The following HRH1 variants were observed in gnomAD, a reference collection of about 807,000 sequenced individuals.
HRH1 encodes the protein histamine receptor H1.
HRH1 carries 6 observed loss-of-function variants against 10.3 expected under a neutral mutation model. The observed-to-expected ratio is 0.58, with a 90% confidence interval of 0.32 to 1.15. HRH1 has a LOEUF of 1.15. Ranked by LOEUF, HRH1 falls within the 50% of genes most tolerant of loss-of-function variation. The pLI, the probability that HRH1 is intolerant of heterozygous loss-of-function variation, is 0.05. For missense variants in HRH1, 514 were observed against 615.3 expected, an observed-to-expected ratio of 0.84 and a Z score of 1.74; for synonymous variants, 242 against 236.7, an observed-to-expected ratio of 1.02 and a Z score of -0.21.
chr3:11,214,413 T>C lies in HRH1; in HGVS notation c.-35-44590T>C, dbSNP rs150807485. Among the ~76,000 whole-genome samples, 315 of 152,314 alleles carry C rather than the reference T, an allele frequency of 2.1e-3. 2 individuals carry two copies. The highest frequency in any genetic ancestry group is 7.1e-3 in the African/African-American group (295 of 41,570). On this transcript the variant is annotated intron_variant, in intron 1 of 1. Transcript: ENST00000431010. ...GGTATTGAGGTCACCTGCAAATAACTCTGAATGGGATATCACATCCAAAAG... is the reference window on the plus strand; with the variant it reads ...GGTATTGAGGTCACCTGCAAATAACCCTGAATGGGATATCACATCCAAAAG...
chr3:11,184,690 C>T (rs1574994967), intron 1 of HRH1, among the ~76,000 whole-genome samples: 1 of 151,922 alleles, frequency 6.6e-6, no homozygotes, highest in Admixed American at 6.6e-5. Context: ...CCGAGGCGGG[C>T]GGATCACCTG....
intron 1 of HRH1, among the ~76,000 whole-genome samples, chr3:11,176,278 AGT>A (rs1457342765): frequency 6.6e-6 from 1 of 152,184 alleles, no homozygotes; most frequent in East Asian, 1.9e-4. Context: ...TTATAAAAAG[AGT>A]TTCCCACCCA....
At chr3:11,149,755 A>G (rs1393145449), upstream of HRH1, among the ~76,000 whole-genome samples, 3 of 152,266 alleles carry the variant, frequency 2.0e-5, no homozygotes, top group East Asian at 1.9e-4. Context: ...TTTCTGAGCC[A>G]TTACATGTTC....
At chr3:11,217,482 T>C (rs920916176) in intron 1 of HRH1, among the ~76,000 whole-genome samples, 1 of 152,050 alleles carries the variant, frequency 6.6e-6, no homozygotes, top group Admixed American at 6.5e-5. Flanking sequence ...TGAGCCGAGA[T>C]GGCGCCATTG....
intron 1 of HRH1, among the ~76,000 whole-genome samples, chr3:11,189,809 G>C (rs1158835119): frequency 6.6e-6 from 1 of 152,028 alleles, no homozygotes; most frequent in South Asian, 2.1e-4. Flanking sequence ...AAATAGCCAG[G>C]CATCATGGCA....
chr3:11,255,711 G>C (rs1264216201), intron 1 of HRH1, among the ~76,000 whole-genome samples: 1 of 152,178 alleles, frequency 6.6e-6, no homozygotes, highest in Non-Finnish European at 1.5e-5. Context: ...AAGCCGGGAG[G>C]AGGCTTCCAG....
rs566399066 is a variant in HRH1, at chr3:11,228,416, G to T, written c.-35-30587G>T. On this transcript the variant is annotated intron_variant, in intron 1 of 1. Coordinates refer to ENST00000431010, the MANE Select transcript of HRH1 (RefSeq NM_001098212.2). ...TTTTTTTTTAATCCTGAAACCCAGAGATACCCCAGACCAATTACACCAGAA... is the reference window on the plus strand; with the variant it reads ...TTTTTTTTTAATCCTGAAACCCAGATATACCCCAGACCAATTACACCAGAA... Among the ~76,000 whole-genome samples the T allele has an allele frequency of 1.5e-4, 23 of 152,172 alleles. No homozygotes were observed. In the South Asian group the frequency reaches 4.6e-3, roughly 30 times the overall value.
intron 1 of HRH1, among the ~76,000 whole-genome samples, chr3:11,236,539 A>G (rs568270201): frequency 2.0e-4 from 30 of 152,358 alleles, no homozygotes; most frequent in Non-Finnish European, 4.3e-4. Flanking sequence ...GGCTATCATA[A>G]TATCTGTACC....
At chr3:11,237,242 G>C (rs751699379) in intron 1 of HRH1, among the ~76,000 whole-genome samples, 1 of 152,182 alleles carries the variant, frequency 6.6e-6, no homozygotes, top group Non-Finnish European at 1.5e-5. Context: ...GTGAAAAAGA[G>C]GATGATGTAT....
chr3:11,233,429 G>T (rs1482643138), intron 1 of HRH1, among the ~76,000 whole-genome samples: 4 of 151,992 alleles, frequency 2.6e-5, no homozygotes, highest in Non-Finnish European at 5.9e-5. Context: ...TGTTGTTGTT[G>T]TTTTTCAGGT....
chr3:11,143,389 G>C (rs1936333530), intron 1 of HRH1, among the ~76,000 whole-genome samples: 1 of 152,160 alleles, frequency 6.6e-6, no homozygotes, highest in Admixed American at 6.5e-5. Context: ...AGAAGGGAGG[G>C]ACATTACCAC....
intron 1 of HRH1, among the ~76,000 whole-genome samples, chr3:11,174,441 C>T (rs1274959470): frequency 1.3e-5 from 2 of 152,088 alleles, no homozygotes; most frequent in East Asian, 1.9e-4. Context: ...TGGCCAAAGG[C>T]GTGGCTCAAA....
intron 1 of HRH1, among the ~76,000 whole-genome samples, chr3:11,243,093 T>C (rs1330086943): frequency 6.6e-6 from 1 of 152,172 alleles, no homozygotes; most frequent in Non-Finnish European, 1.5e-5. Context: ...TTTGTATTTT[T>C]AGTGGAGACG....
At chr3:11,138,617 TC>T (rs764337725) in intron 1 of HRH1, among the ~76,000 whole-genome samples, 2 of 151,892 alleles carry the variant, frequency 1.3e-5, no homozygotes, top group Non-Finnish European at 2.9e-5. Context: ...TACCATATGA[TC>T]CAACAAGACC....
At chr3:11,142,196 C>T (rs1337265919) in intron 1 of HRH1, among the ~76,000 whole-genome samples, 3 of 152,138 alleles carry the variant, frequency 2.0e-5, no homozygotes, top group East Asian at 1.9e-4. Flanking sequence ...TTGGCAGAAA[C>T]GGGTGGAAGA....
chr3:11,220,870 CA>C (rs375261559), intron 1 of HRH1, among the ~76,000 whole-genome samples: 104 of 151,964 alleles, frequency 6.8e-4, no homozygotes, highest in South Asian at 4.4e-3. Flanking sequence ...ATGTCAATAA[CA>C]AAAAAAGAAA....
chr3:11,244,561 A>G (rs547262043), intron 1 of HRH1, among the ~76,000 whole-genome samples: 1 of 152,372 alleles, frequency 6.6e-6, no homozygotes, highest in South Asian at 2.1e-4. Flanking sequence ...TGAGCACCTC[A>G]TGTATGCCAG....
At chr3:11,171,233 C>T (rs1286555849) in intron 1 of HRH1, among the ~76,000 whole-genome samples, 2 of 151,788 alleles carry the variant, frequency 1.3e-5, no homozygotes, top group African/African-American at 2.4e-5. Context: ...TCTCATGTCT[C>T]AGCCTCCCAA....
At chr3:11,235,353 C>T (rs1463475562) in intron 1 of HRH1, among the ~76,000 whole-genome samples, 2 of 152,026 alleles carry the variant, frequency 1.3e-5, no homozygotes, top group Non-Finnish European at 2.9e-5. Context: ...TTTTGACTGA[C>T]ACTGCTGTAG....
Sources: allele counts gnomAD v4.1 joint callset (sites outside exome capture counted in the v4.1 genomes callset), GRCh38; gene constraint gnomAD v4.1.1; transcripts MANE v1.5; gene names NCBI Gene and HGNC (gene_info 2026-07-23, HGNC 2026-07-21).